The following PTCHD1 variants were observed in gnomAD, a reference collection of about 807,000 sequenced individuals.
PTCHD1 encodes the protein patched domain containing 1.
In PTCHD1, 3 loss-of-function variants were observed where a neutral mutation model predicts 34.6. The observed-to-expected ratio is 0.09, with a 90% CI of 0.04 to 0.22. PTCHD1 has a LOEUF of 0.22. Ranked by LOEUF, PTCHD1 falls within the 10% of genes least tolerant of loss-of-function variation. PTCHD1 has a pLI of 1.00. For missense variants in PTCHD1, 504 were observed against 685.5 expected (o/e 0.74, Z 2.96); for synonymous variants, 305 against 283.1 (o/e 1.08, Z -0.77).
At chrX:23,351,382 AAT>A (rs1163652361) in intron 1 of PTCHD1, 10 of 678,903 alleles carry the variant, frequency 1.5e-5, no homozygotes, top group Non-Finnish European at 2.4e-5. Context: ...CATTCTGCAA[AAT>A]ATGTTTCTGA....
intron 1 of PTCHD1, among the ~76,000 whole-genome samples, chrX:23,341,318 G>A (rs997079504): frequency 2.7e-5 from 3 of 112,145 alleles, no homozygotes; most frequent in African/African-American, 9.7e-5. Flanking sequence ...GGACAGTCAA[G>A]CATTGAACTG....
intron 2 of PTCHD1, among the ~76,000 whole-genome samples, chrX:23,387,057 T>G (rs1157337405): frequency 8.9e-6 from 1 of 112,028 alleles, no homozygotes; most frequent in Non-Finnish European, 1.9e-5. Flanking sequence ...AAAATCTGAC[T>G]TACAAAATCC....
intron 1 of PTCHD1, among the ~76,000 whole-genome samples, chrX:23,376,982 G>C (rs1922428408): frequency 8.9e-6 from 1 of 111,930 alleles, no homozygotes; most frequent in Admixed American, 9.4e-5. Context: ...GGGTTAACAT[G>C]GTGTCTGTTT....
chrX:23,384,818 C>A (rs1284161231), intron 2 of PTCHD1, among the ~76,000 whole-genome samples: 3 of 111,668 alleles, frequency 2.7e-5, no homozygotes, highest in Non-Finnish European at 3.8e-5. Flanking sequence ...AAATATCCAA[C>A]CATTTTTGGC....
At chrX:23,379,506 G>C (rs1922498375) in intron 1 of PTCHD1, 85 bp from the exon 2 acceptor site, 1 of 969,024 alleles carries the variant, frequency 1.0e-6, no homozygotes, top group African/African-American at 1.9e-5. Context: ...GAACTGTTTA[G>C]CTTAGAGACG....
At chrX:23,358,224 G>T (rs910226014) in intron 1 of PTCHD1, among the ~76,000 whole-genome samples, 6 of 111,931 alleles carry the variant, frequency 5.4e-5, no homozygotes, top group African/African-American at 2.0e-4. Flanking sequence ...GATCCCTGAG[G>T]AATCACCACA....
Position 23,404,055 on chromosome X carries a change from C to T in PTCHD1, c.*9870C>T, listed in dbSNP as rs192305941. The T allele has an allele frequency of 8.9e-6, 1 of 112,150 alleles. No individual in the cohort carries two copies. Among genetic ancestry groups the T allele is most frequent in the African/African-American group, 3.2e-5 (1 of 30,829 alleles). 9.2% of individuals were successfully genotyped at this position (112,150 alleles called of 1,213,427 possible). Reference sequence around the variant, plus strand: ...CATCTGACCAGCTTTCACCAGAGGGCGATCTTTCATGCTTGCACATCGAGT... The same window carrying T: ...CATCTGACCAGCTTTCACCAGAGGGTGATCTTTCATGCTTGCACATCGAGT... On this transcript the variant is annotated 3_prime_UTR_variant, in exon 3 of 3. Coordinates refer to ENST00000379361, the MANE Select transcript of PTCHD1 (RefSeq NM_173495.3).
intron 1 of PTCHD1, 73 bp downstream of exon 1, chrX:23,335,299 C>T: frequency 1.1e-6 from 1 of 876,977 alleles, no homozygotes; most frequent in Non-Finnish European, 1.7e-6. Flanking sequence ...CGCTGGGGTC[C>T]CGGCTGAGAG....
At chrX:23,353,448 G>T (rs775861176) in intron 1 of PTCHD1, among the ~76,000 whole-genome samples, 35 of 112,674 alleles carry the variant, frequency 3.1e-4, no homozygotes, top group African/African-American at 9.3e-4. Flanking sequence ...AATTAGCCGG[G>T]TGTGGTGGTG....
rs1214264083 is a variant in PTCHD1 at position 23,402,096 on chromosome X, A to G, written c.*7911A>G. The G allele has an allele frequency of 8.9e-6, 1 of 112,058 alleles. No individual in the cohort carries two copies. Among genetic ancestry groups the G allele is most frequent in the Non-Finnish European group, 1.9e-5 (1 of 53,228 alleles). 9.2% of individuals were successfully genotyped at this position (112,058 alleles called of 1,213,427 possible). On this transcript the variant is annotated 3_prime_UTR_variant, in exon 3 of 3. Coordinates refer to ENST00000379361, the MANE Select transcript of PTCHD1 (RefSeq NM_173495.3). ...TATGGGGTGATCCCTCCAAATTGCC[A>G]ACTCCTCGTCTTAGGAAGAAGTGGG...
chrX:23,343,014 G>C (rs1015230129), intron 1 of PTCHD1, among the ~76,000 whole-genome samples: 1 of 112,456 alleles, frequency 8.9e-6, no homozygotes, highest in African/African-American at 3.2e-5. Flanking sequence ...GACACTGCCA[G>C]ATCTCTCCTA....
At chrX:23,344,777 GA>G (rs1921432823) in intron 1 of PTCHD1, among the ~76,000 whole-genome samples, 2 of 111,619 alleles carry the variant, frequency 1.8e-5, no homozygotes, top group Admixed American at 9.5e-5. Flanking sequence ...CCTGCCCAGG[GA>G]AGTGCCTTTT....
chrX:23,349,774 ATAAT>A (rs1921574420), intron 1 of PTCHD1, among the ~76,000 whole-genome samples: 1 of 111,009 alleles, frequency 9.0e-6, no homozygotes, highest in Admixed American at 9.6e-5. Flanking sequence ...CAGGCAGAAA[ATAAT>A]TAAGGATATA....
intron 1 of PTCHD1, among the ~76,000 whole-genome samples, chrX:23,347,230 T>G (rs765244388): frequency 9.8e-5 from 11 of 112,077 alleles, no homozygotes; most frequent in African/African-American, 3.6e-4. Flanking sequence ...AGGAAAAAAC[T>G]ATACCACTAG....
At chrX:23,370,842 C>T (rs777265527) in intron 1 of PTCHD1, among the ~76,000 whole-genome samples, 29 of 111,299 alleles carry the variant, frequency 2.6e-4, no homozygotes, top group South Asian at 1.5e-3. Flanking sequence ...TAAGTTAAAA[C>T]GACGGGAATG....
chrX:23,342,310 A>ATATATATATATATTT (rs1921357058), intron 1 of PTCHD1, among the ~76,000 whole-genome samples: 1 of 12,947 alleles, frequency 7.7e-5, no homozygotes, highest in African/African-American at 7.0e-4. Context: ...ATATATATAT[A>ATATATATATATATTT]TTTTTTTTTT....
chrX:23,352,230 C>T (rs1299816353), intron 1 of PTCHD1, among the ~76,000 whole-genome samples: 1 of 111,856 alleles, frequency 8.9e-6, no homozygotes, highest in African/African-American at 3.3e-5. Context: ...AGATAGAAAA[C>T]AAGGTCAGCA....
intron 1 of PTCHD1, among the ~76,000 whole-genome samples, chrX:23,372,277 GGAA>G (rs1187587884): frequency 9.1e-6 from 1 of 109,667 alleles, no homozygotes; most frequent in Non-Finnish European, 1.9e-5. Flanking sequence ...TTAAGTGTCT[GGAA>G]GAAGAATGTC....
chrX:23,355,729 T>A (rs1042250061), intron 1 of PTCHD1, among the ~76,000 whole-genome samples: 1 of 112,338 alleles, frequency 8.9e-6, no homozygotes, highest in African/African-American at 3.2e-5. Context: ...TGTAGGCCGG[T>A]TTAAATTGAG....
Sources: allele counts gnomAD v4.1 joint callset (sites outside exome capture counted in the v4.1 genomes callset), GRCh38; gene constraint gnomAD v4.1.1; transcripts MANE v1.5; gene names NCBI Gene and HGNC (gene_info 2026-07-23, HGNC 2026-07-21).